The following SNX6 variants were observed in gnomAD, a reference collection of about 807,000 sequenced individuals.
SNX6 encodes sorting nexin 6.
SNX6 carries 34 observed loss-of-function variants against 63.0 expected under a neutral mutation model. That is an observed-to-expected ratio of 0.54 (90% confidence interval 0.41 to 0.72). SNX6 has a LOEUF of 0.72. SNX6 is among the 30% of genes least tolerant of loss of function. The pLI, the probability that SNX6 is intolerant of heterozygous loss-of-function variation, is 0.00. For missense variants in SNX6, 398 were observed against 471.4 expected (o/e 0.84, Z 1.44); for synonymous variants, 170 against 164.2 (o/e 1.04, Z -0.27).
intron 2 of SNX6, chr14:34,629,451 A>G (rs1402268931): frequency 6.5e-6 from 3 of 463,170 alleles, no homozygotes; most frequent in Non-Finnish European, 8.6e-6. Context: ...GGTAATGTAG[A>G]CTACACCTGT....
chr14:34,605,412 A>C, intron 5 of SNX6, 184 bp downstream of exon 5: 1 of 414,622 alleles, frequency 2.4e-6, no homozygotes, highest in Non-Finnish European at 4.2e-6. Flanking sequence ...CAATTATTCT[A>C]TAATTTTCCT....
chr14:34,625,863 G>A (rs1285751141), intron 2 of SNX6, among the ~76,000 whole-genome samples: 1 of 152,122 alleles, frequency 6.6e-6, no homozygotes, highest in Non-Finnish European at 1.5e-5. Flanking sequence ...TAGTGAGGAG[G>A]TGACACCCAG....
chr14:34,629,581 G>C (rs773836208), intron 2 of SNX6: 1 of 612,614 alleles, frequency 1.6e-6, no homozygotes, highest in Non-Finnish European at 3.1e-6. Context: ...AAAGTGTCGA[G>C]GGAGGGTGGG....
At chr14:34,594,008 G>A (rs1448651846) in intron 7 of SNX6, among the ~76,000 whole-genome samples, 1 of 152,148 alleles carries the variant, frequency 6.6e-6, no homozygotes, top group Admixed American at 6.6e-5. Context: ...ACAGGCATGA[G>A]CCACCGCACT....
At chr14:34,576,456 T>A (rs67344990) in intron 10 of SNX6, among the ~76,000 whole-genome samples, 1,386 of 44,292 alleles carry the variant, frequency 0.031, 26 homozygotes, top group African/African-American at 0.13. Flanking sequence ...ATATATATTT[T>A]TTTTTTTTTT....
chr14:34,568,730 T>C (rs1881305271), intron 11 of SNX6: 1 of 877,254 alleles, frequency 1.1e-6, no homozygotes, highest in Non-Finnish European at 1.9e-6. Context: ...CCAGCGATTC[T>C]GTCCAGATCT....
chr14:34,588,277 G>A (rs1291764988), intron 8 of SNX6, among the ~76,000 whole-genome samples: 1 of 152,100 alleles, frequency 6.6e-6, no homozygotes, highest in African/African-American at 2.4e-5. Context: ...AAAGTGCTGG[G>A]ATTACAGGTG....
At chr14:34,588,130 C>G (rs574516371) in intron 8 of SNX6, among the ~76,000 whole-genome samples, 1 of 151,994 alleles carries the variant, frequency 6.6e-6, no homozygotes, top group Non-Finnish European at 1.5e-5. Flanking sequence ...GCCTCAGCCT[C>G]TTGAGTAGCT....
At chr14:34,590,799 T>C (rs527375170) in intron 8 of SNX6, among the ~76,000 whole-genome samples, 2 of 152,298 alleles carry the variant, frequency 1.3e-5, no homozygotes, top group East Asian at 1.9e-4. Context: ...AAAAGTTATA[T>C]AGAAATGGCT....
intron 2 of SNX6, among the ~76,000 whole-genome samples, chr14:34,621,051 C>T (rs1883604153): frequency 6.6e-6 from 1 of 152,138 alleles, no homozygotes; most frequent in Admixed American, 6.5e-5. Context: ...TGTGATCAAG[C>T]AATCTTCCTG....
chr14:34,578,905 C>T (rs527384945), intron 10 of SNX6, among the ~76,000 whole-genome samples: 1 of 116,998 alleles, frequency 8.5e-6, no homozygotes, highest in South Asian at 2.9e-4. Context: ...CGCCACTGCA[C>T]TCCAGCCTGG....
chr14:34,570,047 T>G (rs893989091), intron 11 of SNX6, among the ~76,000 whole-genome samples: 3 of 151,388 alleles, frequency 2.0e-5, no homozygotes, highest in Admixed American at 6.6e-5. Context: ...CCAACACTTA[T>G]TTTGTTTTTT....
chr14:34,607,029 C>T (rs1186585423), intron 4 of SNX6, among the ~76,000 whole-genome samples: 3 of 152,044 alleles, frequency 2.0e-5, no homozygotes, highest in Admixed American at 6.6e-5. Context: ...CCACCCGCCT[C>T]GGCCTCCCAA....
At chr14:34,573,407 T>C (rs1308358501) in intron 11 of SNX6, among the ~76,000 whole-genome samples, 2 of 151,906 alleles carry the variant, frequency 1.3e-5, no homozygotes, top group East Asian at 2.0e-4. Context: ...AAACCCCGTA[T>C]CTACTAAAAA....
chr14:34,567,610 G>T, intron 13 of SNX6, 76 bp downstream of exon 13: 1 of 1,127,622 alleles, frequency 8.9e-7, no homozygotes, highest in Non-Finnish European at 1.3e-6. Flanking sequence ...TGACATTAAA[G>T]AATTATCAAT....
chr14:34,596,619 A>AC (rs1284049776), intron 7 of SNX6, among the ~76,000 whole-genome samples: 1 of 118,412 alleles, frequency 8.4e-6, no homozygotes, highest in Non-Finnish European at 1.9e-5. Context: ...ACTCTATCTC[A>AC]GGAAAAAAAA....
At chr14:34,574,659 C>A (rs1881612151) in intron 11 of SNX6, among the ~76,000 whole-genome samples, 1 of 148,496 alleles carries the variant, frequency 6.7e-6, no homozygotes, top group African/African-American at 2.5e-5. Flanking sequence ...AATCCTTTAG[C>A]AATACAACTG....
At chr14:34,568,782 CT>C in intron 11 of SNX6, 3 of 961,800 alleles carry the variant, frequency 3.1e-6, no homozygotes, top group Non-Finnish European at 3.4e-6. Flanking sequence ...CATCTTGGTC[CT>C]TTTCCACCAT....
chr14:34,586,666 C>T (rs564520310), intron 8 of SNX6, among the ~76,000 whole-genome samples: 4 of 152,078 alleles, frequency 2.6e-5, no homozygotes, highest in African/African-American at 9.6e-5. Context: ...CAAGATCACG[C>T]CACCGCACTC....
Sources: gnomAD v4.1 joint callset for allele counts (sites outside exome capture counted in the v4.1 genomes callset) on GRCh38, gnomAD v4.1.1 for gene constraint, MANE v1.5 for transcripts, NCBI Gene and HGNC (gene_info 2026-07-23, HGNC 2026-07-21) for gene names.